DGKI: variants seen among roughly 807,000 people sequenced by gnomAD.
DGKI encodes diacylglycerol kinase iota, also known as DAG kinase iota.
DGKI carries 55 observed loss-of-function variants against 147.5 expected under a neutral mutation model. The observed-to-expected ratio is 0.37, with a 90% confidence interval of 0.30 to 0.47. DGKI has a LOEUF of 0.47. Among genes scored for constraint, DGKI ranks in the 20% least tolerant of loss-of-function variants. DGKI has a pLI of 1.00. For missense variants in DGKI, 1,007 were observed against 1,323.8 expected, an observed-to-expected ratio of 0.76 and a Z score of 3.71; for synonymous variants, 469 against 477.1, an observed-to-expected ratio of 0.98 and a Z score of 0.22.
At chr7:137,729,881 G>A (rs1330478799) in intron 1 of DGKI, among the ~76,000 whole-genome samples, 2 of 151,978 alleles carry the variant, frequency 1.3e-5, no homozygotes, top group African/African-American at 4.8e-5. Context: ...TAAAATCAGG[G>A]GTGGAAAAGA....
intron 1 of DGKI, among the ~76,000 whole-genome samples, chr7:137,829,475 C>T (rs1029453476): frequency 2.0e-5 from 3 of 152,214 alleles, no homozygotes; most frequent in East Asian, 1.9e-4. Context: ...AATCCCACAA[C>T]GCTGTGCTGT....
In DGKI at chr7:137,443,092, A is replaced by T. The variant is rs570449445; in HGVS notation, c.2761+985T>A. Among the ~76,000 whole-genome samples, 21 of 152,332 alleles carry T rather than the reference A, an allele frequency of 1.4e-4. No homozygotes were observed. The South Asian group carries it at 3.9e-3, about 29-fold the overall frequency. ...GATGTAGAATTAGATGTATTGTCAC[A>T]TGGCTGGAAAACAGATCATGGGTAG... On this transcript the variant is annotated intron_variant, in intron 28 of 32. Transcript: ENST00000614521.
At chr7:137,609,500 G>A (rs1290523383) in intron 9 of DGKI, 35 bp downstream of exon 9, 3 of 1,533,716 alleles carry the variant, frequency 2.0e-6, no homozygotes, top group South Asian at 1.1e-5. Context: ...GAAAGAAAGT[G>A]GAAATTCCTC....
chr7:137,587,086 G>T lies in DGKI; in HGVS notation c.1425+11C>A. The T allele has an allele frequency of 6.4e-7, 1 of 1,571,232 alleles. No individual in the cohort carries two copies. The highest frequency in any genetic ancestry group is 1.2e-5 in the South Asian group (1 of 84,926). On this transcript the variant is annotated intron_variant, in intron 13 of 32. Transcript: ENST00000614521. ...TTGATGATATGGGCAGTCCCCGAGAGCAGTTCTTACCCCTCCCCAGTTGAG... is the reference window on the plus strand; with the variant it reads ...TTGATGATATGGGCAGTCCCCGAGATCAGTTCTTACCCCTCCCCAGTTGAG...
At chr7:137,402,193 G>A (rs985883761) in intron 30 of DGKI, among the ~76,000 whole-genome samples, 2 of 152,166 alleles carry the variant, frequency 1.3e-5, no homozygotes, top group Non-Finnish European at 1.5e-5. Context: ...TGCCTGGGAC[G>A]GAATTAAAAT....
chr7:137,763,050 T>G (rs1795908187), intron 1 of DGKI, among the ~76,000 whole-genome samples: 2 of 152,234 alleles, frequency 1.3e-5, no homozygotes, highest in Admixed American at 1.3e-4. Flanking sequence ...TCATCTAAAT[T>G]GCTGATGAAA....
intron 1 of DGKI, among the ~76,000 whole-genome samples, chr7:137,741,283 C>T (rs780246202): frequency 2.6e-5 from 4 of 152,256 alleles, no homozygotes; most frequent in Non-Finnish European, 5.9e-5. Context: ...CGTACATAAA[C>T]ATCAGAGTCA....
chr7:137,754,911 C>T (rs915973905), intron 1 of DGKI, among the ~76,000 whole-genome samples: 1 of 152,170 alleles, frequency 6.6e-6, no homozygotes, highest in Non-Finnish European at 1.5e-5. Flanking sequence ...CGTGATGGAA[C>T]TTTCAGGGTT....
chr7:137,428,936 A>T (rs2128910145), intron 28 of DGKI, among the ~76,000 whole-genome samples: 1 of 152,330 alleles, frequency 6.6e-6, no homozygotes, highest in South Asian at 2.1e-4. Context: ...TTCCATGCTC[A>T]TGAGTAGGAA....
chr7:137,758,356 C>T (rs73462639), intron 1 of DGKI, among the ~76,000 whole-genome samples: 8,218 of 152,218 alleles, frequency 0.054, 759 homozygotes, highest in African/African-American at 0.19. Context: ...GGACTCTCCT[C>T]TCAAAGCCAT....
At chr7:137,509,547 A>G (rs1816504157) in intron 21 of DGKI, among the ~76,000 whole-genome samples, 1 of 152,142 alleles carries the variant, frequency 6.6e-6, no homozygotes, top group Non-Finnish European at 1.5e-5. Flanking sequence ...AACACCATGG[A>G]CTTGTGGCCT....
chr7:137,562,365 G>A (rs970916632), intron 19 of DGKI, among the ~76,000 whole-genome samples: 1 of 152,018 alleles, frequency 6.6e-6, no homozygotes, highest in South Asian at 2.1e-4. Flanking sequence ...GTGAAACCTC[G>A]CCTCTACTAA....
intron 1 of DGKI, among the ~76,000 whole-genome samples, chr7:137,714,069 T>C (rs1223676423): frequency 6.6e-6 from 1 of 152,230 alleles, no homozygotes; most frequent in Non-Finnish European, 1.5e-5. Flanking sequence ...TTACTATCTG[T>C]GGTATAATTT....
chr7:137,461,861 C>T (rs867089949), intron 27 of DGKI, among the ~76,000 whole-genome samples: 73 of 152,230 alleles, frequency 4.8e-4, no homozygotes, highest in African/African-American at 1.5e-3. Flanking sequence ...AATTAAGAGA[C>T]ATCCCTAAAA....
At chr7:137,739,290 A>G (rs549035407) in intron 1 of DGKI, among the ~76,000 whole-genome samples, 1 of 152,246 alleles carries the variant, frequency 6.6e-6, no homozygotes, top group South Asian at 2.1e-4. Flanking sequence ...CAGGTATCCT[A>G]TTGTCTACCC....
intron 2 of DGKI, 47 bp downstream of exon 2, chr7:137,689,847 C>A (rs757382981): frequency 1.6e-6 from 2 of 1,281,830 alleles, no homozygotes; most frequent in South Asian, 1.5e-5. Flanking sequence ...ATGAGAGACA[C>A]AAAACATGCA....
chr7:137,466,134 CT>C, intron 25 of DGKI, 99 bp from the exon 26 acceptor site: 1 of 1,422,906 alleles, frequency 7.0e-7, no homozygotes, highest in Non-Finnish European at 9.7e-7. Flanking sequence ...AAGGATCACA[CT>C]GTGTTGTCAG....
chr7:137,395,232 C>T (rs1279454541), intron 32 of DGKI, among the ~76,000 whole-genome samples: 1 of 152,070 alleles, frequency 6.6e-6, no homozygotes, highest in South Asian at 2.1e-4. Flanking sequence ...GAAGGAAAAC[C>T]CCAAAGGGGC....
chr7:137,513,334 A>G (rs112434845), intron 21 of DGKI, among the ~76,000 whole-genome samples: 3,958 of 152,192 alleles, frequency 0.026, 176 homozygotes, highest in African/African-American at 0.09. Context: ...ACTCGAAGGC[A>G]CTGCTCCTGC....
Sources: gnomAD v4.1 joint callset for allele counts (sites outside exome capture counted in the v4.1 genomes callset) on GRCh38, gnomAD v4.1.1 for gene constraint, MANE v1.5 for transcripts, NCBI Gene and HGNC (gene_info 2026-07-23, HGNC 2026-07-21) for gene names.